DIAPH3: variants seen among roughly 807,000 people sequenced by gnomAD.
DIAPH3 encodes protein diaphanous homolog 3.
DIAPH3 carries 117 observed loss-of-function variants against 144.3 expected under a neutral mutation model. The observed-to-expected ratio is 0.81, with a 90% CI of 0.70 to 0.95. The LOEUF is 0.95. DIAPH3 is among the 40% of genes least tolerant of loss of function. The pLI, the probability that DIAPH3 is intolerant of heterozygous loss-of-function variation, is 0.00. For synonymous variants in DIAPH3, 519 were observed against 488.9 expected (o/e 1.06, Z -0.81); for missense variants, 1,421 against 1,412.7 (o/e 1.01, Z -0.09).
chr13:60,142,521 C>T (rs1292981463), intron 1 of DIAPH3, among the ~76,000 whole-genome samples: 1 of 152,074 alleles, frequency 6.6e-6, no homozygotes, highest in Non-Finnish European at 1.5e-5. Context: ...ACTCTGAGGA[C>T]CCCTCGGAAG....
chr13:59,903,689 CAT>C (rs1428006163), intron 20 of DIAPH3, among the ~76,000 whole-genome samples: 1 of 151,406 alleles, frequency 6.6e-6, no homozygotes, highest in Non-Finnish European at 1.5e-5. Flanking sequence ...CATTTTCACT[CAT>C]AGAGAAATCA....
chr13:59,946,319 T>C (rs1004255277), intron 17 of DIAPH3, among the ~76,000 whole-genome samples: 2 of 152,094 alleles, frequency 1.3e-5, no homozygotes, highest in African/African-American at 4.8e-5. Flanking sequence ...ATTTTACAGT[T>C]TACAAAGCAC....
intron 17 of DIAPH3, among the ~76,000 whole-genome samples, chr13:59,940,969 T>C (rs1388102329): frequency 6.6e-6 from 1 of 152,194 alleles, no homozygotes; most frequent in East Asian, 1.9e-4. Flanking sequence ...TAACTGGAGA[T>C]TAATATTTTT....
At position 59,701,267 on chromosome 13, in the gene DIAPH3, G is replaced by C. The variant is rs897319847; in HGVS notation, c.3320-34421C>G. On this transcript the variant is annotated intron_variant, in intron 27 of 27. Transcript: ENST00000400324. ...AAGATCTTGGCCTTTGACATTTTTGGTAATTTTGACTGAAGGTAATCATTA... is the reference window on the plus strand; with the variant it reads ...AAGATCTTGGCCTTTGACATTTTTGCTAATTTTGACTGAAGGTAATCATTA... Among the ~76,000 whole-genome samples the C allele has an allele frequency of 7.2e-5, 11 of 152,102 alleles. No individual in the cohort carries two copies. The East Asian group carries it at 1.7e-3, about 24-fold the overall frequency.
At chr13:59,940,168 G>A (rs977302957) in intron 17 of DIAPH3, among the ~76,000 whole-genome samples, 1 of 152,070 alleles carries the variant, frequency 6.6e-6, no homozygotes, top group Non-Finnish European at 1.5e-5. Context: ...AATGGGGAGC[G>A]AGGTAACCTT....
intron 27 of DIAPH3, among the ~76,000 whole-genome samples, chr13:59,760,194 C>T (rs1382785498): frequency 6.6e-6 from 1 of 152,146 alleles, no homozygotes; most frequent in Non-Finnish European, 1.5e-5. Context: ...TGAGAAGCTG[C>T]CTGATAACAG....
intron 27 of DIAPH3, among the ~76,000 whole-genome samples, chr13:59,718,287 G>A (rs1299561948): frequency 6.6e-6 from 1 of 152,194 alleles, no homozygotes; most frequent in Non-Finnish European, 1.5e-5. Context: ...AACATTTAGA[G>A]GAATTACTAT....
chr13:59,832,897 A>G (rs895479850), intron 24 of DIAPH3: 7 of 507,308 alleles, frequency 1.4e-5, no homozygotes, highest in Non-Finnish European at 2.1e-5. Flanking sequence ...TTTTTCAATC[A>G]AAATGTCTGA....
chr13:60,040,571 A>T (rs2141179553), intron 5 of DIAPH3, among the ~76,000 whole-genome samples: 1 of 152,276 alleles, frequency 6.6e-6, no homozygotes, highest in African/African-American at 2.4e-5. Context: ...GTTAGCACAG[A>T]CATCTACTTT....
In DIAPH3 at chr13:60,046,604, G is replaced by A. The variant is rs554223296; in HGVS notation, c.496-3784C>T. Among the ~76,000 whole-genome samples, 4 of 152,044 alleles carry A rather than the reference G, an allele frequency of 2.6e-5. No homozygotes were observed. The East Asian group carries it at 5.8e-4, about 22-fold the overall frequency. On this transcript the variant is annotated intron_variant, in intron 4 of 27. Coordinates refer to ENST00000400324, the MANE Select transcript of DIAPH3 (RefSeq NM_001042517.2). ...CTAGAACTAGAAATACCATTTGACCGAGCAATCCCATTACTAGGTATACAC... is the reference window on the plus strand; with the variant it reads ...CTAGAACTAGAAATACCATTTGACCAAGCAATCCCATTACTAGGTATACAC...
intron 22 of DIAPH3, among the ~76,000 whole-genome samples, chr13:59,860,744 A>AT (rs2043528209): frequency 2.0e-5 from 3 of 152,076 alleles, no homozygotes; most frequent in Admixed American, 2.0e-4. Context: ...TCTCAAAAAA[A>AT]GGAAAAAAAA....
chr13:60,019,305 A>G (rs1466914648), intron 5 of DIAPH3, among the ~76,000 whole-genome samples: 1 of 152,216 alleles, frequency 6.6e-6, no homozygotes, highest in Non-Finnish European at 1.5e-5. Flanking sequence ...GCACAGTACC[A>G]TCAGGCATTA....
At chr13:59,887,794 G>A (rs2045548118) in intron 20 of DIAPH3, among the ~76,000 whole-genome samples, 1 of 152,020 alleles carries the variant, frequency 6.6e-6, no homozygotes, top group African/African-American at 2.4e-5. Context: ...TTTATTCAAA[G>A]AGGAGTGTTA....
intron 21 of DIAPH3, among the ~76,000 whole-genome samples, chr13:59,875,827 A>G (rs2044590414): frequency 6.6e-6 from 1 of 152,110 alleles, no homozygotes; most frequent in African/African-American, 2.4e-5. Context: ...AAGAAAGCAA[A>G]TCCTTTTCTC....
chr13:60,008,717 T>C, intron 8 of DIAPH3, 68 bp from the exon 9 acceptor site: 2 of 1,015,656 alleles, frequency 2.0e-6, no homozygotes, highest in Middle Eastern at 2.1e-4. Flanking sequence ...AATTGCTTTA[T>C]CCTACTAAAG....
At chr13:59,848,502 T>G (rs1281831559) in intron 22 of DIAPH3, among the ~76,000 whole-genome samples, 1 of 145,768 alleles carries the variant, frequency 6.9e-6, no homozygotes, top group African/African-American at 2.5e-5. Context: ...GAGTGTGATA[T>G]TCCCCTTCAT....
At chr13:59,971,222 A>C in intron 15 of DIAPH3, 62 bp from the exon 16 acceptor site, 1 of 1,459,118 alleles carries the variant, frequency 6.9e-7, no homozygotes, top group Non-Finnish European at 9.3e-7. Flanking sequence ...GTAAATATGC[A>C]CTTTACTCAA....
chr13:60,041,684 C>A (rs745679090), intron 5 of DIAPH3, among the ~76,000 whole-genome samples: 8 of 152,178 alleles, frequency 5.3e-5, no homozygotes, highest in Non-Finnish European at 1.2e-4. Flanking sequence ...AACACACACA[C>A]ACACGTATAG....
chr13:59,971,915 C>T (rs2050406963), intron 15 of DIAPH3, among the ~76,000 whole-genome samples: 1 of 152,162 alleles, frequency 6.6e-6, no homozygotes, highest in African/African-American at 2.4e-5. Context: ...CAGGTCCCTT[C>T]CTTGGGAAAG....
Sources: allele counts gnomAD v4.1 joint callset (sites outside exome capture counted in the v4.1 genomes callset), GRCh38; gene constraint gnomAD v4.1.1; transcripts MANE v1.5; gene names NCBI Gene and HGNC (gene_info 2026-07-23, HGNC 2026-07-21).